The following CRADD variants were observed in gnomAD, a reference collection of about 807,000 sequenced individuals.
CRADD encodes death domain-containing protein CRADD.
A neutral mutation model predicts 15.5 loss-of-function variants in CRADD; 9 were observed. The ratio of observed to expected loss-of-function variants is 0.58; its 90% CI spans 0.35 to 1.01. CRADD has a LOEUF of 1.01. Among genes scored for constraint, CRADD ranks in the 50% least tolerant of loss-of-function variants. The pLI, the probability that CRADD is intolerant of heterozygous loss-of-function variation, is 0.02. For synonymous variants in CRADD, 118 were observed against 107.6 expected (o/e 1.10, Z -0.60); for missense variants, 227 against 250.3 (o/e 0.91, Z 0.63).
chr12:93,845,555 C>A (rs1243938276), intron 2 of CRADD, among the ~76,000 whole-genome samples: 1 of 133,672 alleles, frequency 7.5e-6, no homozygotes, highest in East Asian at 2.2e-4. Flanking sequence ...AAGACCCTGT[C>A]TCTATTAAAT....
rs575043802 is a variant in CRADD, at chr12:93,689,738, A to C, written c.298+10666A>C. ...ACAAATGAGAGGCTTCTGGTTTTAT[A>C]ACCTAAATACAAGACTTTAAAAGCA... is the stretch of plus-strand genomic sequence containing the variant. On this transcript the variant is annotated intron_variant, in intron 2 of 2. Transcript: ENST00000332896. Among the ~76,000 whole-genome samples, 6 of 152,302 alleles carry C rather than the reference A, an allele frequency of 3.9e-5. No individual in the cohort carries two copies. In the South Asian group the frequency reaches 1.2e-3, roughly 32 times the overall value.
At chr12:93,881,610 G>A (rs1444630162) in intron 2 of CRADD, among the ~76,000 whole-genome samples, 5 of 152,186 alleles carry the variant, frequency 3.3e-5, no homozygotes, top group Non-Finnish European at 7.3e-5. Context: ...AGCATGTGCA[G>A]AAGAGAAGGT....
At chr12:93,807,425 C>T (rs1167400992) in intron 2 of CRADD, among the ~76,000 whole-genome samples, 1 of 152,068 alleles carries the variant, frequency 6.6e-6, no homozygotes, top group African/African-American at 2.4e-5. Flanking sequence ...AAACTCAGAT[C>T]ACTCATGGTC....
intron 2 of CRADD, among the ~76,000 whole-genome samples, chr12:93,879,241 G>A (rs1051486953): frequency 6.6e-6 from 1 of 151,896 alleles, no homozygotes; most frequent in Non-Finnish European, 1.5e-5. Context: ...TTCTCTGATT[G>A]CTACTTTTTC....
At chr12:93,854,007 T>C (rs1266524487), downstream of CRADD, among the ~76,000 whole-genome samples, 6 of 152,260 alleles carry the variant, frequency 3.9e-5, no homozygotes, top group South Asian at 2.1e-4. Flanking sequence ...TACAATGAAC[T>C]GGATCCCTGG....
chr12:93,854,159 G>A (rs1179699738), downstream of CRADD, among the ~76,000 whole-genome samples: 1 of 152,164 alleles, frequency 6.6e-6, no homozygotes, highest in African/African-American at 2.4e-5. Flanking sequence ...GGCTGGGCTT[G>A]CTCTTCCGAT....
intron 2 of CRADD, among the ~76,000 whole-genome samples, chr12:93,701,015 G>A (rs1955833089): frequency 6.6e-6 from 1 of 151,832 alleles, no homozygotes; most frequent in African/African-American, 2.4e-5. Flanking sequence ...TAGTGCTATT[G>A]GACAAATGGC....
At chr12:93,756,545 T>G (rs10777540) in intron 2 of CRADD, among the ~76,000 whole-genome samples, 88,541 of 152,104 alleles carry the variant, frequency 0.58, 27,097 homozygotes, top group East Asian at 0.89. Context: ...CGGAGCTGGT[T>G]TAAGCTGTTT....
At chr12:93,764,398 AAGG>A (rs1457571169) in intron 2 of CRADD, among the ~76,000 whole-genome samples, 1 of 152,030 alleles carries the variant, frequency 6.6e-6, no homozygotes, top group East Asian at 1.9e-4. Flanking sequence ...GATGAGAGAG[AAGG>A]AGGACTTTAG....
chr12:93,854,005 A>G (rs1210259244), downstream of CRADD, among the ~76,000 whole-genome samples: 2 of 152,222 alleles, frequency 1.3e-5, no homozygotes, highest in Non-Finnish European at 2.9e-5. Context: ...GTTACAATGA[A>G]CTGGATCCCT....
intron 2 of CRADD, among the ~76,000 whole-genome samples, chr12:93,770,220 C>G (rs965286014): frequency 1.0e-4 from 15 of 150,664 alleles, no homozygotes; most frequent in African/African-American, 3.4e-4. Flanking sequence ...CTCAGCCTCC[C>G]GAGTAGCTGG....
intron 2 of CRADD, among the ~76,000 whole-genome samples, chr12:93,770,130 C>T (rs556797065): frequency 7.1e-6 from 1 of 140,824 alleles, no homozygotes; most frequent in African/African-American, 2.6e-5. Context: ...GAGTCTCGCT[C>T]TGTGGCCCAG....
At chr12:93,892,788 C>T (rs1207786053) in intron 2 of CRADD, among the ~76,000 whole-genome samples, 9 of 152,150 alleles carry the variant, frequency 5.9e-5, no homozygotes, top group Non-Finnish European at 1.0e-4. Context: ...CATCTGCTCT[C>T]CCGTGCTCCC....
chr12:93,689,314 T>C (rs1955511676), intron 2 of CRADD, among the ~76,000 whole-genome samples: 1 of 152,148 alleles, frequency 6.6e-6, no homozygotes, highest in Non-Finnish European at 1.5e-5. Context: ...AGTTCAAACT[T>C]GTAGGCTGCT....
intron 2 of CRADD, among the ~76,000 whole-genome samples, chr12:93,704,983 G>A (rs919918438): frequency 1.3e-5 from 2 of 152,160 alleles, no homozygotes; most frequent in African/African-American, 4.8e-5. Flanking sequence ...GATCAAATTA[G>A]CCACCTCCCA....
intron 2 of CRADD, among the ~76,000 whole-genome samples, chr12:93,776,129 A>C (rs1297669503): frequency 6.6e-6 from 1 of 152,226 alleles, no homozygotes; most frequent in African/African-American, 2.4e-5. Context: ...TGATATCTTT[A>C]ATTAATATAT....
intron 2 of CRADD, among the ~76,000 whole-genome samples, chr12:93,703,082 G>T (rs931531706): frequency 2.0e-5 from 3 of 152,028 alleles, no homozygotes; most frequent in Non-Finnish European, 4.4e-5. Context: ...CTCCTAGATC[G>T]CTGACTGCAT....
At chr12:93,711,660 C>G (rs927211444) in intron 2 of CRADD, among the ~76,000 whole-genome samples, 1 of 152,056 alleles carries the variant, frequency 6.6e-6, no homozygotes, top group African/African-American at 2.4e-5. Flanking sequence ...TTCCCTCTCT[C>G]TGGAACACTC....
At chr12:93,804,064 A>G (rs1459148844) in intron 2 of CRADD, among the ~76,000 whole-genome samples, 1 of 152,116 alleles carries the variant, frequency 6.6e-6, no homozygotes, top group Non-Finnish European at 1.5e-5. Flanking sequence ...TTAAGATAAT[A>G]AATTTGTACT....
Sources: gnomAD v4.1 joint callset for allele counts (sites outside exome capture counted in the v4.1 genomes callset) on GRCh38, gnomAD v4.1.1 for gene constraint, MANE v1.5 for transcripts, NCBI Gene and HGNC (gene_info 2026-07-23, HGNC 2026-07-21) for gene names.